NINL: variants seen among roughly 807,000 people sequenced by gnomAD.
NINL encodes the protein ninein like.
A neutral mutation model predicts 160.3 loss-of-function variants in NINL; 153 were observed. The ratio of observed to expected loss-of-function variants is 0.95; its 90% confidence interval spans 0.84 to 1.09. The LOEUF (loss-of-function observed/expected upper bound fraction) is 1.09. Ranked by LOEUF, NINL falls within the 50% of genes least tolerant of loss-of-function variation. The pLI is 0.00. For missense variants in NINL, 1,829 were observed against 1,764.0 expected, an observed-to-expected ratio of 1.04 and a Z score of -0.66; for synonymous variants, 800 against 734.8, an observed-to-expected ratio of 1.09 and a Z score of -1.43.
At chr20:25,581,194 A>G (rs1316899353) in intron 1 of NINL, among the ~76,000 whole-genome samples, 2 of 152,212 alleles carry the variant, frequency 1.3e-5, no homozygotes, top group Non-Finnish European at 2.9e-5. Flanking sequence ...CAATCCCATC[A>G]TCGCTTTGGG....
In NINL at chr20:25,476,333, C is replaced by T. The variant is rs764539711; in HGVS notation, c.2958G>A (p.Trp986Ter). ...QAIQEERARS[W>*]SRGTQEQASE... The stretch of plus-strand genomic sequence containing the variant: ...AGGCCTGCTCCTGGGTGCCCCTGCT[C>T]CAGCTTCGTGCTCGCTCTTCCTGAA... Residue 986 changes from tryptophan (W) to a stop codon, truncating the protein, a stop_gained, in exon 17 of 24, where the codon TGG becomes TGA. Transcript: ENST00000278886. LOFTEE classifies it high-confidence loss of function. 2 of 1,612,782 alleles carry T rather than the reference C, an allele frequency of 1.2e-6. No homozygotes were observed. The highest frequency in any genetic ancestry group is 1.7e-6 in the Non-Finnish European group (2 of 1,179,950).
chr20:25,578,584 G>A (rs1356290879), intron 1 of NINL, among the ~76,000 whole-genome samples: 1 of 151,876 alleles, frequency 6.6e-6, no homozygotes, highest in African/African-American at 2.4e-5. Context: ...ATGAGGTCAG[G>A]AGACCGAGAC....
chr20:25,489,811 G>A lies in NINL; in HGVS notation c.1596+64C>T, dbSNP rs904388824. The A allele has an allele frequency of 9.2e-5, 85 of 924,200 alleles. 1 individual carries two copies. The highest frequency in any genetic ancestry group is 3.8e-5 in the Non-Finnish European group (22 of 578,662). 57.2% of individuals were successfully genotyped at this position (924,200 alleles called of 1,614,324 possible). ...GCCGCATCTCTCCCTGGCCACCCCC[G>A]CCACCCCCACTCTGCCCAGCAGGCC... On this transcript the variant is annotated intron_variant, in intron 12 of 23. Transcript: ENST00000278886.
intron 23 of NINL, 100 bp downstream of exon 23, chr20:25,455,573 C>G: frequency 1.2e-6 from 1 of 807,358 alleles, no homozygotes; most frequent in South Asian, 1.6e-5. Flanking sequence ...AATTCTGTGA[C>G]AAGACAGCCT....
intron 17 of NINL, among the ~76,000 whole-genome samples, chr20:25,474,215 G>A (rs979777249): frequency 6.6e-6 from 1 of 152,230 alleles, no homozygotes; most frequent in Non-Finnish European, 1.5e-5. Flanking sequence ...ATGGAAGGAC[G>A]CCTCAAGTCA....
chr20:25,504,842 A>C (rs1304090771), intron 6 of NINL, 46 bp downstream of exon 6: 1 of 1,596,306 alleles, frequency 6.3e-7, no homozygotes, highest in East Asian at 2.2e-5. Context: ...CTAAACCGTG[A>C]CCATGGCCAG....
intron 1 of NINL, among the ~76,000 whole-genome samples, chr20:25,543,481 C>T (rs1435637471): frequency 6.6e-6 from 1 of 152,170 alleles, no homozygotes; most frequent in Non-Finnish European, 1.5e-5. Flanking sequence ...AGAATAGGCT[C>T]TGGAGGAGGG....
At chr20:25,525,107 G>A (rs906302973) in intron 2 of NINL, among the ~76,000 whole-genome samples, 15 of 152,080 alleles carry the variant, frequency 9.9e-5, no homozygotes, top group South Asian at 4.2e-4. Context: ...CTTCTTAAGC[G>A]CATTGAAAAA....
rs757386895 is a variant in NINL at position 25,512,878 on chromosome 20, G to A, written c.406C>T (p.Leu136=). Residue 136 remains leucine (L), a synonymous_variant, in exon 4 of 24, where the codon CTG becomes TTG. Coordinates refer to ENST00000278886, the MANE Select transcript of NINL (RefSeq NM_025176.6). The part of the protein sequence containing the change: ...RVPEQQTQAS[L]KSHLWRSASL... Reference sequence around the variant, plus strand: ...GCTGAGCGCCAGAGGTGACTTTTCAGGCTGGCCTGGGTTTGCTGCTCCGGC... The same window carrying A: ...GCTGAGCGCCAGAGGTGACTTTTCAAGCTGGCCTGGGTTTGCTGCTCCGGC... The A allele has an allele frequency of 3.1e-6, 5 of 1,614,176 alleles. No homozygotes were observed. The highest frequency in any genetic ancestry group is 2.5e-6 in the Non-Finnish European group (3 of 1,180,024).
At chr20:25,537,113 G>T (rs1600300912) in intron 1 of NINL, among the ~76,000 whole-genome samples, 1 of 152,196 alleles carries the variant, frequency 6.6e-6, no homozygotes, top group Admixed American at 6.5e-5. Flanking sequence ...TTGAAACAGG[G>T]TCTCCCTCTT....
intron 1 of NINL, among the ~76,000 whole-genome samples, chr20:25,545,856 C>G (rs2064725114): frequency 6.6e-6 from 1 of 152,192 alleles, no homozygotes; most frequent in Admixed American, 6.5e-5. Context: ...CTTCCTGATC[C>G]AGGAGAGAAT....
chr20:25,566,371 C>T (rs1475499184), intron 1 of NINL, among the ~76,000 whole-genome samples: 1 of 151,940 alleles, frequency 6.6e-6, no homozygotes, highest in Non-Finnish European at 1.5e-5. Context: ...CCAATCAATA[C>T]ATCATGTCCA....
chr20:25,503,445 C>A (rs2063905608), intron 7 of NINL, among the ~76,000 whole-genome samples: 2 of 135,302 alleles, frequency 1.5e-5, no homozygotes, highest in East Asian at 4.5e-4. Flanking sequence ...GAGGTGGGCA[C>A]CTGAGCAGCA....
chr20:25,513,046 GCAGTTCT>G, intron 3 of NINL, 40 bp from the exon 4 acceptor site: 1 of 1,571,130 alleles, frequency 6.4e-7, no homozygotes, highest in Non-Finnish European at 8.7e-7. Context: ...GTCCTTTATA[GCAGTTCT>G]GGGCCCATGC....
chr20:25,556,157 T>C (rs1456949323), intron 1 of NINL, among the ~76,000 whole-genome samples: 1 of 152,104 alleles, frequency 6.6e-6, no homozygotes, highest in Non-Finnish European at 1.5e-5. Context: ...TGGCAGATGC[T>C]TGTAGTTCCA....
chr20:25,562,168 A>T (rs1224640075), intron 1 of NINL, among the ~76,000 whole-genome samples: 3 of 131,836 alleles, frequency 2.3e-5, no homozygotes, highest in African/African-American at 2.9e-5. Context: ...TCCGGGAGGG[A>T]GGTGGGGGGT....
intron 1 of NINL, among the ~76,000 whole-genome samples, chr20:25,557,646 T>C (rs1238536564): frequency 6.6e-6 from 1 of 152,014 alleles, no homozygotes; most frequent in Non-Finnish European, 1.5e-5. Flanking sequence ...CATCTAACAC[T>C]AGAGCCTCAA....
In NINL at chr20:25,482,200, G is replaced by A. The variant is rs116212595; in HGVS notation, c.1678-100C>T. 4,544 of 1,356,522 alleles carry A rather than the reference G, an allele frequency of 3.3e-3. 135 individuals are homozygous for A. In the African/African-American group the frequency reaches 0.059, roughly 18 times the overall value. 84.0% of individuals were successfully genotyped at this position (1,356,522 alleles called of 1,614,324 possible). A position where few individuals can be genotyped will look rare whatever the true frequency, so the allele number is the denominator to read the frequency against. On this transcript the variant is annotated intron_variant, in intron 13 of 23. Coordinates refer to ENST00000278886, the MANE Select transcript of NINL (RefSeq NM_025176.6). Reference sequence around the variant, plus strand: ...CAGGGGGGTCCCTTGCAGGTGAGGTGCACTGTGAGGTGAGGGCCTGTTGCT... The same window carrying A: ...CAGGGGGGTCCCTTGCAGGTGAGGTACACTGTGAGGTGAGGGCCTGTTGCT...
intron 2 of NINL, among the ~76,000 whole-genome samples, chr20:25,523,644 T>C (rs1184101527): frequency 2.6e-5 from 4 of 151,944 alleles, no homozygotes; most frequent in Admixed American, 6.6e-5. Flanking sequence ...AGTATTTGTT[T>C]GTTTGCTTGT....
Sources: gnomAD v4.1 joint callset for allele counts (sites outside exome capture counted in the v4.1 genomes callset) on GRCh38, gnomAD v4.1.1 for gene constraint, MANE v1.5 for transcripts, NCBI Gene and HGNC (gene_info 2026-07-23, HGNC 2026-07-21) for gene names.